The following TOX variants were observed in gnomAD, a reference collection of about 807,000 sequenced individuals.
TOX encodes the protein thymocyte selection-associated high mobility group box protein TOX.
TOX carries 11 observed loss-of-function variants against 53.7 expected under a neutral mutation model. The ratio of observed to expected loss-of-function variants is 0.20; its 90% CI spans 0.13 to 0.34. The LOEUF (loss-of-function observed/expected upper bound fraction) is 0.34, where lower values mean the gene tolerates loss of function less well. Ranked by LOEUF, TOX falls within the 10% of genes least tolerant of loss-of-function variation. The pLI is 1.00. For missense variants in TOX, 570 were observed against 664.6 expected (o/e 0.86, Z 1.56); for synonymous variants, 225 against 245.3 (o/e 0.92, Z 0.77).
chr8:58,962,239 A>G (rs1430630291), intron 1 of TOX, among the ~76,000 whole-genome samples: 1 of 152,218 alleles, frequency 6.6e-6, no homozygotes, highest in Non-Finnish European at 1.5e-5. Context: ...CTCAAGAAGT[A>G]CCAACACTTA....
chr8:58,853,270 G>T (rs892533401), intron 3 of TOX, among the ~76,000 whole-genome samples: 3 of 152,072 alleles, frequency 2.0e-5, no homozygotes, highest in Admixed American at 1.3e-4. Flanking sequence ...TTCTAAGTCC[G>T]AATCAACGTT....
chr8:59,019,703 CTG>C (rs1235881488), intron 1 of TOX, among the ~76,000 whole-genome samples: 1 of 152,054 alleles, frequency 6.6e-6, no homozygotes, highest in Non-Finnish European at 1.5e-5. Context: ...TGAATATTTT[CTG>C]TGTGTGTAGC....
At chr8:59,088,668 A>T (rs1266721930) in intron 1 of TOX, among the ~76,000 whole-genome samples, 1 of 152,236 alleles carries the variant, frequency 6.6e-6, no homozygotes, top group Non-Finnish European at 1.5e-5. Flanking sequence ...TGACTAAAAA[A>T]ATTGCATATG....
intron 1 of TOX, among the ~76,000 whole-genome samples, chr8:58,994,957 C>A (rs1172892697): frequency 6.6e-6 from 1 of 152,210 alleles, no homozygotes; most frequent in Non-Finnish European, 1.5e-5. Context: ...CATGTATCAT[C>A]CATCTTACAT....
At chr8:59,115,821 A>G (rs1805090536) in intron 1 of TOX, among the ~76,000 whole-genome samples, 1 of 152,156 alleles carries the variant, frequency 6.6e-6, no homozygotes, top group African/African-American at 2.4e-5. Flanking sequence ...ACAATGGGCT[A>G]TGTGAAAATG....
chr8:58,979,652 C>CAG (rs1474761389), intron 1 of TOX, among the ~76,000 whole-genome samples: 3 of 152,158 alleles, frequency 2.0e-5, no homozygotes, highest in Admixed American at 6.5e-5. Flanking sequence ...TAAAGGGAAA[C>CAG]AGAGAGAGAT....
At chr8:59,055,425 C>T (rs1302236454) in intron 1 of TOX, among the ~76,000 whole-genome samples, 1 of 152,180 alleles carries the variant, frequency 6.6e-6, no homozygotes, top group Admixed American at 6.5e-5. Flanking sequence ...GGCCTGTTAG[C>T]ATTTTGCCTA....
intron 1 of TOX, among the ~76,000 whole-genome samples, chr8:59,085,842 C>T (rs765801888): frequency 2.6e-5 from 4 of 152,062 alleles, no homozygotes; most frequent in Non-Finnish European, 5.9e-5. Flanking sequence ...GAGAGACTTA[C>T]GAGAAAGAGA....
chr8:58,998,534 T>TATATAA (rs1159927333), intron 1 of TOX, among the ~76,000 whole-genome samples: 1 of 18,352 alleles, frequency 5.4e-5, no homozygotes, highest in Non-Finnish European at 1.2e-4. Context: ...TATATATATA[T>TATATAA]ATATAAATTT....
At chr8:59,017,308 C>T (rs1339914522) in intron 1 of TOX, among the ~76,000 whole-genome samples, 1 of 152,178 alleles carries the variant, frequency 6.6e-6, no homozygotes, top group Non-Finnish European at 1.5e-5. Flanking sequence ...GTAAATTATG[C>T]TTTGATTTCT....
At chr8:58,927,790 G>A (rs1812190070) in intron 3 of TOX, among the ~76,000 whole-genome samples, 1 of 152,164 alleles carries the variant, frequency 6.6e-6, no homozygotes. Context: ...ACTGCTCGGA[G>A]GGCTTCAGAT....
At chr8:59,009,039 C>T (rs1813847173) in intron 1 of TOX, among the ~76,000 whole-genome samples, 1 of 152,012 alleles carries the variant, frequency 6.6e-6, no homozygotes, top group African/African-American at 2.4e-5. Context: ...CTTTTCCTCC[C>T]TCTTTCCATT....
At chr8:59,024,221 T>A (rs1284855010) in intron 1 of TOX, among the ~76,000 whole-genome samples, 2 of 152,156 alleles carry the variant, frequency 1.3e-5, no homozygotes, top group Non-Finnish European at 2.9e-5. Context: ...CTTGTTGATA[T>A]TAAGAGATAA....
rs1447411832 is a variant in TOX, at chr8:58,838,287, C to G, written c.718G>C (p.Ala240Pro). The G allele has an allele frequency of 6.2e-7, 1 of 1,613,682 alleles. No individual in the cohort carries two copies. ...TTTGGTTTTTTCCCCATATCAGAGG[C>G]AGGCCGCTTCTCTCCACCATTGATC... ...SKINGGEKRP[A>P]SDMGKKPKTP... Residue 240 changes from alanine (A) to proline (P), a missense_variant, in exon 5 of 9, where the codon GCC (alanine) becomes CCC (proline). This residue lies in a region of TOX where 282 missense variants were observed against 315.0 expected (regional missense o/e 0.90). Transcript: ENST00000361421.
intron 1 of TOX, among the ~76,000 whole-genome samples, chr8:59,052,680 C>G (rs1803813379): frequency 1.3e-5 from 2 of 152,178 alleles, no homozygotes. Context: ...TCCATTTCTG[C>G]CATTCACCAG....
At chr8:58,810,148 G>A (rs1280968498) in intron 7 of TOX, among the ~76,000 whole-genome samples, 1 of 151,698 alleles carries the variant, frequency 6.6e-6, no homozygotes, top group East Asian at 1.9e-4. Flanking sequence ...ACTATGCCTG[G>A]CTAATTTAAA....
At chr8:59,018,770 T>A (rs1445271571) in intron 1 of TOX, among the ~76,000 whole-genome samples, 1 of 152,158 alleles carries the variant, frequency 6.6e-6, no homozygotes, top group Non-Finnish European at 1.5e-5. Context: ...TTTAGCAATA[T>A]ATTCATAGTT....
chr8:58,928,965 A>G (rs1428201332), intron 3 of TOX, among the ~76,000 whole-genome samples: 2 of 152,204 alleles, frequency 1.3e-5, no homozygotes, highest in Non-Finnish European at 2.9e-5. Context: ...AAGATTATTA[A>G]GATCATGATT....
intron 2 of TOX, among the ~76,000 whole-genome samples, chr8:58,944,590 G>A (rs1812496616): frequency 6.6e-6 from 1 of 152,168 alleles, no homozygotes; most frequent in Non-Finnish European, 1.5e-5. Context: ...AATGGACAAG[G>A]TCTGCTTCCA....
Sources: allele counts gnomAD v4.1 joint callset (sites outside exome capture counted in the v4.1 genomes callset), GRCh38; gene constraint gnomAD v4.1.1; regional missense constraint gnomAD v4.1.1; transcripts MANE v1.5; gene names NCBI Gene and HGNC (gene_info 2026-07-23, HGNC 2026-07-21).